VPS53: variants seen among roughly 807,000 people sequenced by gnomAD.
VPS53 encodes the protein VPS53 subunit of GARP complex.
In VPS53, 70 loss-of-function variants were observed where a neutral mutation model predicts 107.0. The ratio of observed to expected loss-of-function variants is 0.65; its 90% CI spans 0.54 to 0.80. The LOEUF (loss-of-function observed/expected upper bound fraction) is 0.80, where lower values mean the gene tolerates loss of function less well. Among genes scored for constraint, VPS53 ranks in the 30% least tolerant of loss-of-function variants. The probability of loss-of-function intolerance (pLI) is 0.00; values close to 1 mark genes in which losing one functional copy is unlikely to be tolerated. For synonymous variants in VPS53, 409 were observed against 393.3 expected, an observed-to-expected ratio of 1.04 and a Z score of -0.47; for missense variants, 917 against 1,049.4, an observed-to-expected ratio of 0.87 and a Z score of 1.74.
intron 12 of VPS53, 98 bp downstream of exon 12, chr17:601,697 C>A: frequency 1.1e-6 from 1 of 875,410 alleles, no homozygotes; most frequent in South Asian, 1.9e-5. Context: ...CATCTCTGAA[C>A]GTGGCCAAGA....
chr17:595,950 T>A (rs1967950811), intron 12 of VPS53, among the ~76,000 whole-genome samples: 1 of 147,156 alleles, frequency 6.8e-6, no homozygotes, highest in Non-Finnish European at 1.5e-5. Flanking sequence ...CCTCGTTTGA[T>A]GATGCACTCT....
chr17:657,056 G>T, intron 5 of VPS53: 1 of 897,020 alleles, frequency 1.1e-6, no homozygotes, highest in Non-Finnish European at 1.9e-6. Context: ...TGGCTTGCCA[G>T]TGTCGAACGT....
In VPS53 at chr17:537,174, C is replaced by A; in HGVS notation, c.1869G>T (p.Met623Ile). The A allele has an allele frequency of 1.9e-6, 3 of 1,613,902 alleles. No homozygotes were observed. Among genetic ancestry groups the A allele is most frequent in the Non-Finnish European group, 2.5e-6 (3 of 1,179,956 alleles). Residue 623 changes from methionine to isoleucine, a missense_variant and splice_region_variant, in exon 18 of 22, where the codon ATG becomes ATT. Physicochemically the swap from Met to Ile is conservative, Grantham distance 10. Transcript: ENST00000437048. ...CDPALTAMSK[M>I]QWQNVEHVGD... ...CAACGTGCTCCACGTTCTGCCACTG[C>A]ATCTGAAAGGGAGAAAGGATGAGGC...
intron 11 of VPS53, among the ~76,000 whole-genome samples, chr17:620,972 T>G (rs930002653): frequency 1.3e-5 from 2 of 152,184 alleles, no homozygotes; most frequent in African/African-American, 4.8e-5. Context: ...CTCTCTCATT[T>G]TAAAACAATT....
chr17:529,037 C>G (rs137899333), intron 19 of VPS53, among the ~76,000 whole-genome samples: 1 of 152,280 alleles, frequency 6.6e-6, no homozygotes, highest in African/African-American at 2.4e-5. Flanking sequence ...TCTAATTTCA[C>G]CAAATCCTCT....
chr17:569,707 TC>T (rs1913859860), intron 13 of VPS53, among the ~76,000 whole-genome samples: 1 of 151,970 alleles, frequency 6.6e-6, no homozygotes, highest in Non-Finnish European at 1.5e-5. Context: ...TCACTTGAGG[TC>T]AGGAGTTCCA....
chr17:564,481 A>C (rs1913305152), intron 13 of VPS53, among the ~76,000 whole-genome samples: 2 of 148,930 alleles, frequency 1.3e-5, no homozygotes, highest in Admixed American at 1.4e-4. Context: ...CGGAGCTTGC[A>C]GTGAGCTGAG....
intron 7 of VPS53, among the ~76,000 whole-genome samples, chr17:637,390 T>TAAAA (rs1970241645): frequency 6.6e-6 from 1 of 152,236 alleles, no homozygotes; most frequent in Non-Finnish European, 1.5e-5. Context: ...ATTGATTTTT[T>TAAAA]TGAAGGGTTT....
At chr17:590,881 T>TGG (rs1967611256) in intron 12 of VPS53, among the ~76,000 whole-genome samples, 1 of 151,936 alleles carries the variant, frequency 6.6e-6, no homozygotes, top group South Asian at 2.1e-4. Context: ...ATCAGGATGA[T>TGG]GCTGGCCTCA....
In VPS53 at chr17:509,753, A is replaced by G; in HGVS notation, c.*9375T>C. 1 of 165,650 alleles carries G rather than the reference A, an allele frequency of 6.0e-6. No homozygotes were observed. Among genetic ancestry groups the G allele is most frequent in the South Asian group, 9.8e-5 (1 of 10,224 alleles). 10.3% of individuals were successfully genotyped at this position (165,650 alleles called of 1,614,324 possible). On this transcript the variant is annotated 3_prime_UTR_variant, in exon 22 of 22. Coordinates refer to ENST00000437048, the MANE Select transcript of VPS53 (RefSeq NM_001128159.3). Reference sequence around the variant, plus strand: ...CTCACCCCTCACTTGTCACGTATTGAATCCTGGCTCACCCCCTTACTAGTC... The same window carrying G: ...CTCACCCCTCACTTGTCACGTATTGGATCCTGGCTCACCCCCTTACTAGTC...
At chr17:526,510 G>A (rs539745327) in intron 19 of VPS53, among the ~76,000 whole-genome samples, 2 of 152,220 alleles carry the variant, frequency 1.3e-5, no homozygotes, top group African/African-American at 4.8e-5. Flanking sequence ...AGGCGGGAAT[G>A]AGCCTGACAG....
chr17:662,854 GA>G (rs1971521438), intron 4 of VPS53, among the ~76,000 whole-genome samples: 2 of 89,974 alleles, frequency 2.2e-5, no homozygotes, highest in Non-Finnish European at 5.6e-5. Flanking sequence ...AGGAAGGAAG[GA>G]AGGAAGGAAG....
chr17:665,073 A>G (rs772807077), intron 4 of VPS53, among the ~76,000 whole-genome samples: 4 of 152,144 alleles, frequency 2.6e-5, no homozygotes, highest in Admixed American at 1.3e-4. Flanking sequence ...ATAATCCCCA[A>G]TGCAATGGTG....
At chr17:550,103 C>T (rs1002961385) in intron 17 of VPS53, among the ~76,000 whole-genome samples, 3 of 152,192 alleles carry the variant, frequency 2.0e-5, no homozygotes, top group East Asian at 1.9e-4. Context: ...TAGACCCGCC[C>T]GTTCCATGTT....
chr17:646,070 C>G (rs1970687466), intron 7 of VPS53, among the ~76,000 whole-genome samples: 1 of 124,410 alleles, frequency 8.0e-6, no homozygotes, highest in Admixed American at 9.2e-5. Context: ...TGATAAGGGT[C>G]TTATCTTTTC....
intron 10 of VPS53, 127 bp downstream of exon 10, chr17:627,047 A>G (rs561948069): frequency 1.6e-6 from 2 of 1,261,682 alleles, no homozygotes; most frequent in African/African-American, 1.5e-5. Flanking sequence ...TACGAGGATG[A>G]TATTAGTCAT....
At chr17:612,587 T>C (rs1217708453) in intron 11 of VPS53, among the ~76,000 whole-genome samples, 1 of 150,456 alleles carries the variant, frequency 6.6e-6, no homozygotes, top group African/African-American at 2.5e-5. Context: ...AGTAATCAAA[T>C]AGTGAATTCA....
chr17:613,194 T>C (rs1968976474), intron 11 of VPS53, among the ~76,000 whole-genome samples: 1 of 149,084 alleles, frequency 6.7e-6, no homozygotes, highest in South Asian at 2.2e-4. Flanking sequence ...AGTGAAAACC[T>C]GTACAAATAT....
chr17:528,094 A>G (rs1909255807), intron 19 of VPS53, among the ~76,000 whole-genome samples: 1 of 152,212 alleles, frequency 6.6e-6, no homozygotes, highest in African/African-American at 2.4e-5. Flanking sequence ...TTTTCTAAAA[A>G]TGGAGATATA....
Sources: gnomAD v4.1 joint callset for allele counts (sites outside exome capture counted in the v4.1 genomes callset) on GRCh38, gnomAD v4.1.1 for gene constraint, MANE v1.5 for transcripts, NCBI Gene and HGNC (gene_info 2026-07-23, HGNC 2026-07-21) for gene names.